Variants in RC3H1 observed in about 807,000 individuals in gnomAD.
The protein encoded by RC3H1 is ring finger and CCCH-type domains 1.
In RC3H1, 50 loss-of-function variants were observed where a neutral mutation model predicts 138.2. The ratio of observed to expected loss-of-function variants is 0.36; its 90% CI spans 0.29 to 0.46. RC3H1 has a LOEUF of 0.46. RC3H1 is among the 20% of genes least tolerant of loss of function. The pLI is 1.00. For synonymous variants in RC3H1, 462 were observed against 489.1 expected (o/e 0.94, Z 0.73); for missense variants, 1,031 against 1,388.1 (o/e 0.74, Z 4.09).
At chr1:174,003,748 C>A (rs1371971945) in intron 1 of RC3H1, among the ~76,000 whole-genome samples, 1 of 151,712 alleles carries the variant, frequency 6.6e-6, no homozygotes, top group African/African-American at 2.4e-5. Flanking sequence ...GCAAGCTCCA[C>A]CTCGCGGGTT....
At chr1:173,973,551 A>G (rs1660454984) in intron 7 of RC3H1, among the ~76,000 whole-genome samples, 1 of 151,714 alleles carries the variant, frequency 6.6e-6, no homozygotes, top group Non-Finnish European at 1.5e-5. Context: ...AAAAAAAAAA[A>G]GTTTAATAGA....
At chr1:173,941,586 A>G in intron 18 of RC3H1, 1 of 449,692 alleles carries the variant, frequency 2.2e-6, no homozygotes, top group South Asian at 2.9e-5. Context: ...GCTGGACAAT[A>G]AGACAGACAA....
rs1224717876 is a variant in RC3H1 at position 173,984,605 on chromosome 1, C to G, written c.246G>C (p.Gln82His). Residue 82 changes from glutamine (Q) to histidine (H), a missense_variant, in exon 3 of 20, where the codon CAG becomes CAC. Gln to His is a conservative substitution (Grantham distance 24). Coordinates refer to ENST00000367696, the MANE Select transcript of RC3H1 (RefSeq NM_172071.4). ...QLVGAQVPEQ[Q>H]PITLCSGVED... ...CAACCCCACTACACAAAGTAATAGG[C>G]TGCTGCTCAGGGACCTGGAGGCCAA... 6.2e-7 allele frequency: 1 copy of G among 1,613,212 alleles called. No homozygotes were observed. Among genetic ancestry groups the G allele is most frequent in the Non-Finnish European group, 8.5e-7 (1 of 1,179,696 alleles).
chr1:173,992,810 G>A lies in RC3H1; in HGVS notation c.176C>T (p.Thr59Ile), dbSNP rs139661174. The A allele has an allele frequency of 2.7e-4, 431 of 1,614,178 alleles. 3 individuals are homozygous for A. In the African/African-American group the frequency reaches 4.9e-3, roughly 18 times the overall value. ...ACPFDQTTIN[T>I]DIELLPVNSA... is the part of the protein sequence containing the mutation. ...GTTCACAGGGAGGAGCTCAATGTCT[G>A]TATTGATAGTGGTCTGGTCAAATGG... Residue 59 changes from threonine to isoleucine, a missense_variant, in exon 2 of 20, where the codon ACA (threonine) becomes ATA (isoleucine). By Grantham distance (89) the Thr-to-Ile change is moderately conservative. Transcript: ENST00000367696.
Position 173,946,731 on chromosome 1 carries a change from A to C in RC3H1, c.2828+15T>G. The C allele has an allele frequency of 6.2e-7, 1 of 1,609,932 alleles. No homozygotes were observed. The highest frequency in any genetic ancestry group is 8.5e-7 in the Non-Finnish European group (1 of 1,176,802). ...GTTTCTACATGTTTGTTCAAGTAAAAAGAATGACTCATACCTCTCACTGAA... is the reference window on the plus strand; with the variant it reads ...GTTTCTACATGTTTGTTCAAGTAAACAGAATGACTCATACCTCTCACTGAA... On this transcript the variant is annotated intron_variant, in intron 16 of 19. Coordinates refer to ENST00000367696, the MANE Select transcript of RC3H1 (RefSeq NM_172071.4).
chr1:173,945,400 A>G (rs1659090802), intron 17 of RC3H1, among the ~76,000 whole-genome samples: 1 of 152,230 alleles, frequency 6.6e-6, no homozygotes, highest in Non-Finnish European at 1.5e-5. Flanking sequence ...TGCTGGGATT[A>G]CAAGCATGAA....
chr1:173,989,717 T>G (rs1480330717), intron 2 of RC3H1, among the ~76,000 whole-genome samples: 48 of 134,202 alleles, frequency 3.6e-4, no homozygotes, highest in African/African-American at 1.3e-3. Flanking sequence ...CAAGTTTTTT[T>G]TTTTTTTTTT....
chr1:173,984,233 A>C (rs866433021), intron 3 of RC3H1, among the ~76,000 whole-genome samples: 3 of 152,178 alleles, frequency 2.0e-5, no homozygotes, highest in Non-Finnish European at 4.4e-5. Flanking sequence ...AAAATTCACT[A>C]TTTTATTTGA....
Position 173,948,880 on chromosome 1 carries a change from C to T in RC3H1, c.2524-1298G>A, listed in dbSNP as rs141456019. On this transcript the variant is annotated intron_variant, in intron 14 of 19. Transcript: ENST00000367696. Reference sequence around the variant, plus strand: ...GGGTTACAGGTTTGAGTCACCATGCCTGGCCCAAACTTTTTAATTCTTTAC... The same window carrying T: ...GGGTTACAGGTTTGAGTCACCATGCTTGGCCCAAACTTTTTAATTCTTTAC... Among the ~76,000 whole-genome samples, 193 of 152,192 alleles carry T rather than the reference C, an allele frequency of 1.3e-3. 2 individuals carry two copies. Among genetic ancestry groups the T allele is most frequent in the African/African-American group, 4.3e-3 (179 of 41,534 alleles).
chr1:173,941,985 T>C (rs565859782), intron 18 of RC3H1, among the ~76,000 whole-genome samples: 71 of 139,694 alleles, frequency 5.1e-4, no homozygotes, highest in African/African-American at 1.3e-3. Flanking sequence ...ACACCAGTAA[T>C]CCCAGCACTT....
chr1:174,014,673 A>C (rs1178397052), intron 1 of RC3H1, among the ~76,000 whole-genome samples: 2 of 152,216 alleles, frequency 1.3e-5, no homozygotes. Flanking sequence ...CATTCATTAA[A>C]GGTGTCAGGT....
rs1310447177 is a variant in RC3H1, at chr1:173,931,419, T to C, written c.*7302A>G. The C allele has an allele frequency of 6.6e-6, 1 of 152,146 alleles. No homozygotes were observed. The allele number at this position is 152,146 out of a possible 1,614,324, so 9.4% of individuals were successfully genotyped here. A position where few individuals can be genotyped will look rare whatever the true frequency, so the allele number is the denominator to read the frequency against. On this transcript the variant is annotated 3_prime_UTR_variant, in exon 20 of 20. Transcript: ENST00000367696. ...TCAGTTTCCAAGGTAATAAAGGAAATAGCATTTTAACAAAATGGGCATCTT... is the reference window on the plus strand; with the variant it reads ...TCAGTTTCCAAGGTAATAAAGGAAACAGCATTTTAACAAAATGGGCATCTT...
At chr1:173,994,796 CAAA>C (rs984715226) in intron 1 of RC3H1, among the ~76,000 whole-genome samples, 9 of 67,146 alleles carry the variant, frequency 1.3e-4, no homozygotes, top group Non-Finnish European at 1.4e-4. Flanking sequence ...GACCCCATCT[CAAA>C]AAAAAAAAAA....
intron 1 of RC3H1, among the ~76,000 whole-genome samples, chr1:174,018,688 A>G (rs1423623097): frequency 6.6e-6 from 1 of 152,240 alleles, no homozygotes; most frequent in East Asian, 1.9e-4. Flanking sequence ...GATACAGGCC[A>G]ATCTGAGAAT....
At chr1:173,989,391 T>TG (rs2103031229) in intron 2 of RC3H1, among the ~76,000 whole-genome samples, 1 of 152,288 alleles carries the variant, frequency 6.6e-6, no homozygotes, top group Admixed American at 6.5e-5. Flanking sequence ...TCTGTAGAGA[T>TG]GGGGTTTTGC....
At chr1:173,995,556 A>G (rs1661440820) in intron 1 of RC3H1, among the ~76,000 whole-genome samples, 1 of 151,638 alleles carries the variant, frequency 6.6e-6, no homozygotes, top group Non-Finnish European at 1.5e-5. Context: ...AAAGAAAAAG[A>G]AAAAAAGAAT....
At chr1:173,960,107 C>CAAAAAAAAA (rs58330993) in intron 13 of RC3H1, among the ~76,000 whole-genome samples, 2 of 51,122 alleles carry the variant, frequency 3.9e-5, no homozygotes, top group African/African-American at 7.0e-5. Flanking sequence ...GACTCCGACT[C>CAAAAAAAAA]AAAAAAAAAA....
rs147263886 is a variant in RC3H1 at position 174,010,752 on chromosome 1, T to TTCC, written c.-151+11341_-151+11343dup. On this transcript the variant is annotated intron_variant, in intron 1 of 19. Transcript: ENST00000367696. ...AGGATAGTTCTTGCCTTCCTCTACC[T>TTCC]TCCTCACAGCTGATAGTCACTTACC... 4.9e-3 allele frequency among the ~76,000 whole-genome samples: 749 copies of TTCC among 152,240 alleles called. 7 individuals are homozygous for TTCC. The highest frequency in any genetic ancestry group is 0.017 in the African/African-American group (702 of 41,526).
intron 2 of RC3H1, among the ~76,000 whole-genome samples, chr1:173,991,880 A>T (rs1661299151): frequency 6.6e-6 from 1 of 150,568 alleles, no homozygotes; most frequent in Non-Finnish European, 1.5e-5. Flanking sequence ...ATTTGGGAAA[A>T]TTTTATTTTT....
Sources: gnomAD v4.1 joint callset for allele counts (sites outside exome capture counted in the v4.1 genomes callset) on GRCh38, gnomAD v4.1.1 for gene constraint, MANE v1.5 for transcripts, NCBI Gene and HGNC (gene_info 2026-07-23, HGNC 2026-07-21) for gene names.